NALF1: variants seen among roughly 807,000 people sequenced by gnomAD.
NALF1 encodes family with sequence similarity 155 member A.
NALF1 carries 3 observed loss-of-function variants against 48.4 expected under a neutral mutation model. The observed-to-expected ratio is 0.06, with a 90% CI of 0.03 to 0.16. The LOEUF is 0.16. Ranked by LOEUF, NALF1 falls within the 10% of genes least tolerant of loss-of-function variation. The pLI is 1.00. For synonymous variants in NALF1, 262 were observed against 245.7 expected, an observed-to-expected ratio of 1.07 and a Z score of -0.62; for missense variants, 526 against 571.5, an observed-to-expected ratio of 0.92 and a Z score of 0.81.
At chr13:107,606,978 T>C (rs1032845081) in intron 1 of NALF1, among the ~76,000 whole-genome samples, 8 of 152,226 alleles carry the variant, frequency 5.3e-5, no homozygotes, top group South Asian at 2.1e-4. Context: ...CTGCTTATAA[T>C]TGGAGGTAAT....
At chr13:107,338,982 A>C (rs1431796977) in intron 1 of NALF1, among the ~76,000 whole-genome samples, 1 of 151,840 alleles carries the variant, frequency 6.6e-6, no homozygotes, top group African/African-American at 2.4e-5. Context: ...AATACAAAAA[A>C]AATTAGCCGG....
At chr13:107,186,020 A>G (rs1879163609) in intron 2 of NALF1, among the ~76,000 whole-genome samples, 1 of 152,210 alleles carries the variant, frequency 6.6e-6, no homozygotes, top group Admixed American at 6.5e-5. Flanking sequence ...GTAGTGCGAA[A>G]AAAGATCTTA....
At chr13:107,378,405 T>C (rs1447494069) in intron 1 of NALF1, among the ~76,000 whole-genome samples, 1 of 150,434 alleles carries the variant, frequency 6.6e-6, no homozygotes, top group Non-Finnish European at 1.5e-5. Flanking sequence ...TATATATATA[T>C]ATATGTATGC....
At chr13:107,689,952 A>G (rs112855319) in intron 1 of NALF1, among the ~76,000 whole-genome samples, 33 of 152,344 alleles carry the variant, frequency 2.2e-4, no homozygotes, top group African/African-American at 7.2e-4. Flanking sequence ...TGTAATTACC[A>G]TTTAACTTTA....
intron 1 of NALF1, among the ~76,000 whole-genome samples, chr13:107,368,537 A>G (rs1449780675): frequency 6.6e-6 from 1 of 150,868 alleles, no homozygotes; most frequent in Admixed American, 6.6e-5. Flanking sequence ...GGGCAATTCC[A>G]CTCTTCGTCT....
intron 1 of NALF1, among the ~76,000 whole-genome samples, chr13:107,678,679 C>G (rs189214798): frequency 1.9e-4 from 29 of 152,292 alleles, no homozygotes; most frequent in Admixed American, 1.4e-3. Flanking sequence ...TCAGGAAACT[C>G]ACAATCATGG....
At chr13:107,220,194 T>G (rs1879960403) in intron 1 of NALF1, among the ~76,000 whole-genome samples, 1 of 152,242 alleles carries the variant, frequency 6.6e-6, no homozygotes, top group South Asian at 2.1e-4. Flanking sequence ...GTCATTGCAT[T>G]TGCTCCTCAA....
At chr13:107,604,069 G>A (rs1879002068) in intron 1 of NALF1, among the ~76,000 whole-genome samples, 1 of 152,098 alleles carries the variant, frequency 6.6e-6, no homozygotes, top group South Asian at 2.1e-4. Flanking sequence ...GATTCATGTA[G>A]CTAAAATATG....
intron 1 of NALF1, among the ~76,000 whole-genome samples, chr13:107,636,437 G>C (rs1185498651): frequency 6.6e-6 from 1 of 152,152 alleles, no homozygotes; most frequent in Non-Finnish European, 1.5e-5. Flanking sequence ...AGATTGATTT[G>C]TGGGTGCCCC....
At chr13:107,574,128 A>C (rs1878067989) in intron 1 of NALF1, among the ~76,000 whole-genome samples, 1 of 152,350 alleles carries the variant, frequency 6.6e-6, no homozygotes, top group Non-Finnish European at 1.5e-5. Context: ...AAAATATATG[A>C]CATGCCTACT....
chr13:107,797,242 G>A (rs1878453937), intron 1 of NALF1, among the ~76,000 whole-genome samples: 1 of 152,086 alleles, frequency 6.6e-6, no homozygotes, highest in Admixed American at 6.5e-5. Flanking sequence ...GTCTCGCTCT[G>A]TCACCCAGGC....
At chr13:107,673,856 G>A (rs941162940) in intron 1 of NALF1, among the ~76,000 whole-genome samples, 1 of 152,070 alleles carries the variant, frequency 6.6e-6, no homozygotes, top group Non-Finnish European at 1.5e-5. Flanking sequence ...AAAATGAGGT[G>A]AGGGTCACAG....
In NALF1 at chr13:107,763,041, CTT is replaced by C. The variant is rs199706000; in HGVS notation, c.915+102639_915+102640del. Among the ~76,000 whole-genome samples, 38 of 146,738 alleles carry C rather than the reference CTT, an allele frequency of 2.6e-4. No homozygotes were observed. The South Asian group carries it at 3.7e-3, about 14-fold the overall frequency. On this transcript the variant is annotated intron_variant, in intron 1 of 2. Coordinates refer to ENST00000375915, the MANE Select transcript of NALF1 (RefSeq NM_001080396.3). Reference sequence around the variant, plus strand: ...AGCAATGCACACATCTGTTTGATACCTTTTTTTTTTTCTAGTGGGCCACAAAT... The same window carrying C: ...AGCAATGCACACATCTGTTTGATACCTTTTTTTTTCTAGTGGGCCACAAAT...
chr13:107,242,261 C>T (rs1439667904), intron 1 of NALF1, among the ~76,000 whole-genome samples: 1 of 152,200 alleles, frequency 6.6e-6, no homozygotes, highest in Non-Finnish European at 1.5e-5. Flanking sequence ...CCGTTTCCAC[C>T]CTCTCCTGCA....
At chr13:107,819,224 C>T (rs1851108194) in intron 1 of NALF1, among the ~76,000 whole-genome samples, 1 of 152,068 alleles carries the variant, frequency 6.6e-6, no homozygotes, top group African/African-American at 2.4e-5. Context: ...TTGAATAAGC[C>T]TTTTTCATTA....
intron 1 of NALF1, 143 bp from the exon 2 acceptor site, chr13:107,210,898 G>C: frequency 1.7e-6 from 1 of 600,542 alleles, no homozygotes; most frequent in Non-Finnish European, 2.9e-6. Context: ...TTTACACAAC[G>C]ACAGCTGCAA....
chr13:107,806,819 A>G (rs1282444545), intron 1 of NALF1, among the ~76,000 whole-genome samples: 3 of 152,190 alleles, frequency 2.0e-5, no homozygotes, highest in Non-Finnish European at 4.4e-5. Context: ...TTTCAATGCA[A>G]TAAATCAATA....
rs188605282 is a variant in NALF1, at chr13:107,623,866, T to C, written c.915+241816A>G. ...AAGGAAAGAGCTTTGGCCCAAAAGATAAGGAATTATTTTCTAGATGGAGAG... is the reference window on the plus strand; with the variant it reads ...AAGGAAAGAGCTTTGGCCCAAAAGACAAGGAATTATTTTCTAGATGGAGAG... On this transcript the variant is annotated intron_variant, in intron 1 of 2. Coordinates refer to ENST00000375915, the MANE Select transcript of NALF1 (RefSeq NM_001080396.3). Among the ~76,000 whole-genome samples the C allele has an allele frequency of 5.3e-5, 8 of 152,228 alleles. No individual in the cohort carries two copies. In the East Asian group the frequency reaches 1.5e-3, roughly 29 times the overall value.
intron 1 of NALF1, among the ~76,000 whole-genome samples, chr13:107,463,514 G>A (rs1040717348): frequency 2.0e-5 from 3 of 152,234 alleles, no homozygotes; most frequent in Admixed American, 6.5e-5. Context: ...GGTATATTGA[G>A]TAAGAGAAAG....
Sources: gnomAD v4.1 joint callset for allele counts (sites outside exome capture counted in the v4.1 genomes callset) on GRCh38, gnomAD v4.1.1 for gene constraint, MANE v1.5 for transcripts, NCBI Gene and HGNC (gene_info 2026-07-23, HGNC 2026-07-21) for gene names.